Variants in UBA7 observed in about 807,000 individuals in gnomAD.
UBA7 encodes the protein ubiquitin like modifier activating enzyme 7.
UBA7 carries 88 observed loss-of-function variants against 113.0 expected under a neutral mutation model. The observed-to-expected ratio is 0.78, with a 90% CI of 0.66 to 0.93. The LOEUF is 0.93. Among genes scored for constraint, UBA7 ranks in the 40% least tolerant of loss-of-function variants. UBA7 has a pLI of 0.00. For synonymous variants in UBA7, 459 were observed against 513.0 expected (o/e 0.89, Z 1.42); for missense variants, 1,092 against 1,266.4 (o/e 0.86, Z 2.09).
Position 49,809,880 on chromosome 3 carries a change from C to A in UBA7, c.1840-1G>T. Reference sequence around the variant, plus strand: ...GTTCTTCAAACTCATGCCGGGCCCACTGTGGAGGAGGGAGGAAGAATGAGG... The same window carrying A: ...GTTCTTCAAACTCATGCCGGGCCCAATGTGGAGGAGGGAGGAAGAATGAGG... On this transcript the variant is annotated splice_acceptor_variant, in intron 14 of 23. Transcript: ENST00000333486. LOFTEE classifies it high-confidence loss of function. 1.2e-6 allele frequency: 2 copies of A among 1,614,150 alleles called. No homozygotes were observed. Among genetic ancestry groups the A allele is most frequent in the Non-Finnish European group, 8.5e-7 (1 of 1,180,024 alleles).
intron 18 of UBA7, 147 bp downstream of exon 18, chr3:49,808,829 A>G (rs909878250): frequency 3.9e-6 from 4 of 1,018,126 alleles, no homozygotes; most frequent in African/African-American, 3.3e-5. Flanking sequence ...GCCTGAAACT[A>G]TGGAGGAGTG....
At chr3:49,806,201 A>T (rs1575366665) in intron 21 of UBA7, 36 bp from the exon 22 acceptor site, 1 of 1,501,484 alleles carries the variant, frequency 6.7e-7, no homozygotes, top group Admixed American at 2.0e-5. Context: ...GAGACTTCTT[A>T]CCTCCCCCCA....
In UBA7 at chr3:49,810,957, G is replaced by A; in HGVS notation, c.1230+27C>T. On this transcript the variant is annotated intron_variant, in intron 10 of 23. Coordinates refer to ENST00000333486, the MANE Select transcript of UBA7 (RefSeq NM_003335.3). The surrounding 1 kb of genome is among the most constrained non-coding windows in gnomAD (Gnocchi z 5.6). ...TCCCCTAGTCCTGATTTTGGACAAG[G>A]CTTGCACCCCTATCCCAGGCTCTCA... 6.2e-7 allele frequency: 1 copy of A among 1,613,058 alleles called. No homozygotes were observed. The highest frequency in any genetic ancestry group is 8.5e-7 in the Non-Finnish European group (1 of 1,179,096).
intron 5 of UBA7, 45 bp downstream of exon 5, chr3:49,812,603 G>T: frequency 6.2e-7 from 1 of 1,614,178 alleles, no homozygotes; most frequent in Non-Finnish European, 8.5e-7. Context: ...GGCCCTGGCA[G>T]CCTCTCCTTG....
intron 23 of UBA7, 115 bp downstream of exon 23, chr3:49,805,782 G>T: frequency 9.5e-7 from 1 of 1,052,432 alleles, no homozygotes; most frequent in Non-Finnish European, 1.4e-6. Context: ...GGGAAAGAAT[G>T]CTTGGGAAGG....
At position 49,805,451 on chromosome 3, in the gene UBA7, G is replaced by C. The variant is rs776995972; in HGVS notation, c.2910-14C>G. The C allele has an allele frequency of 1.2e-6, 2 of 1,610,978 alleles. No homozygotes were observed. Among genetic ancestry groups the C allele is most frequent in the East Asian group, 4.5e-5 (2 of 44,820 alleles). ...AGTTCTGTCACCCTGGTAGGGGTGG[G>C]TTTAGGGGAGATTGGAGAGGTGAGC... is the stretch of plus-strand genomic sequence containing the variant. On this transcript the variant is annotated splice_polypyrimidine_tract_variant and intron_variant, in intron 23 of 23. Coordinates refer to ENST00000333486, the MANE Select transcript of UBA7 (RefSeq NM_003335.3).
chr3:49,809,266 C>T lies in UBA7; in HGVS notation c.2164-107G>A, dbSNP rs1348279132. 19 of 1,533,148 alleles carry T rather than the reference C, an allele frequency of 1.2e-5. No individual in the cohort carries two copies. The Admixed American group carries it at 1.5e-4, about 12-fold the overall frequency. 95.0% of individuals were successfully genotyped at this position (1,533,148 alleles called of 1,614,324 possible). A position where few individuals can be genotyped will look rare whatever the true frequency, so the allele number is the denominator to read the frequency against. Reference sequence around the variant, plus strand: ...CCTGCCTTTGCCTCACATGTAGACACCCATATATGCACAAGCATGGCTCTC... The same window carrying T: ...CCTGCCTTTGCCTCACATGTAGACATCCATATATGCACAAGCATGGCTCTC... On this transcript the variant is annotated intron_variant, in intron 17 of 23. Transcript: ENST00000333486.
At chr3:49,811,492 C>G (rs1182375903) in intron 8 of UBA7, 37 bp from the exon 9 acceptor site, 2 of 1,551,864 alleles carry the variant, frequency 1.3e-6, no homozygotes, top group Admixed American at 3.9e-5. Context: ...TAGCCCCAGC[C>G]TGAGCTCTAC....
rs1289584567 is a variant in UBA7, at chr3:49,810,611, G to A, written c.1373C>T (p.Ala458Val). The A allele has an allele frequency of 1.2e-6, 2 of 1,614,084 alleles. No homozygotes were observed. Among genetic ancestry groups the A allele is most frequent in the Non-Finnish European group, 1.7e-6 (2 of 1,180,010 alleles). The change falls in exon 12 of 24, where the codon GCC becomes GTC. Residue 458 changes from alanine (A) to valine (V), a missense_variant. This residue lies in a region of UBA7 where 584 missense variants were observed against 714.5 expected (regional missense o/e 0.82). Coordinates refer to ENST00000333486, the MANE Select transcript of UBA7 (RefSeq NM_003335.3). The surrounding 1 kb of genome is among the most constrained non-coding windows in gnomAD (Gnocchi z 5.6). The part of the protein sequence containing the change: ...LKVFALVGLG[A>V]GNSGGLTVVD... Reference sequence around the variant, plus strand: ...AACAGTCAAGCCCCCGCTGTTCCCGGCCCCCAGTCCCACTAGGGCAAAGAC... The same window carrying A: ...AACAGTCAAGCCCCCGCTGTTCCCGACCCCCAGTCCCACTAGGGCAAAGAC...
chr3:49,806,215 C>G, intron 21 of UBA7, 50 bp from the exon 22 acceptor site: 1 of 1,488,698 alleles, frequency 6.7e-7, no homozygotes, highest in Non-Finnish European at 9.1e-7. Flanking sequence ...CCCCCCAACC[C>G]CCATCCCAGT....
At position 49,807,835 on chromosome 3, in the gene UBA7, C is replaced by T; in HGVS notation, c.2616G>A (p.Val872=). 6.2e-7 allele frequency: 1 copy of T among 1,614,056 alleles called. No homozygotes were observed. Among genetic ancestry groups the T allele is most frequent in the Non-Finnish European group, 8.5e-7 (1 of 1,179,990 alleles). The part of the protein sequence containing the change: ...GLLGLELYKV[V]SGPRPRSAFR... ...AGGCACTACGAGGCCGTGGCCCACTCACCACCTTATACAGCTCCAGGCCCA... is the reference window on the plus strand; with the variant it reads ...AGGCACTACGAGGCCGTGGCCCACTTACCACCTTATACAGCTCCAGGCCCA... Residue 872 remains valine (V), a synonymous_variant, in exon 21 of 24, where the codon GTG becomes GTA. Transcript: ENST00000333486. This position sits in a 1 kb window ranked among gnomAD's most constrained non-coding sequence, Gnocchi z 4.0.
At chr3:49,809,916 A>T in intron 14 of UBA7, 37 bp from the exon 15 acceptor site, 1 of 1,614,154 alleles carries the variant, frequency 6.2e-7, no homozygotes, top group Non-Finnish European at 8.5e-7. Context: ...TATCAGGTGG[A>T]GAACAGGTCT....
Position 49,811,347 on chromosome 3 carries a change from C to T in UBA7, c.1048G>A (p.Ala350Thr), listed in dbSNP as rs764411377. The T allele has an allele frequency of 1.2e-5, 19 of 1,614,080 alleles. No individual in the cohort carries two copies. The highest frequency in any genetic ancestry group is 2.2e-5 in the South Asian group (2 of 91,082). ...CTCAAGACACCTGCACTGCTTAGGG[C>T]GACTGTCCGCACTAGGGCCTCATCC... ...PLDEALVRTV[A>T]LSSAGVLSPM... Residue 350 changes from alanine (A) to threonine (T), a missense_variant, in exon 9 of 24, where the codon GCC (alanine) becomes ACC (threonine). Physicochemically the swap from Ala to Thr is moderately conservative, Grantham distance 58. Around this residue, in one of 3 missense-constraint regions of UBA7, gnomAD observed 584 missense variants for 714.5 expected, o/e 0.82. Transcript: ENST00000333486.
rs561880823 is a variant in UBA7 at position 49,811,612 on chromosome 3, C to T, written c.940-157G>A. 4 of 1,185,388 alleles carry T rather than the reference C, an allele frequency of 3.4e-6. No homozygotes were observed. The South Asian group carries it at 6.1e-5, about 18-fold the overall frequency. The allele number at this position is 1,185,388 out of a possible 1,614,324, so 73.4% of individuals were successfully genotyped here. A position where few individuals can be genotyped will look rare whatever the true frequency, so the allele number is the denominator to read the frequency against. On this transcript the variant is annotated intron_variant, in intron 8 of 23. Transcript: ENST00000333486. The stretch of plus-strand genomic sequence containing the variant: ...CTGCTGCCAGCCTGCACAGCACCAC[C>T]AGAGGATGCCCAGTACCAGACAGCA...
intron 8 of UBA7, chr3:49,811,662 G>A (rs2081549861): frequency 9.0e-7 from 1 of 1,111,830 alleles, no homozygotes. Flanking sequence ...ACTAATCTGA[G>A]TGCAGCTTCC....
chr3:49,809,556 A>G lies in UBA7; in HGVS notation c.2074T>C (p.Phe692Leu). ...TAGCCACACACTTTATTAGGTGGGA[A>G]GTGCCTCAGCAGCTGTTTGATGCCA... Reference protein sequence around the residue: ...HYGIKQLLRHFPPNKVLEDGT... With the variant: ...HYGIKQLLRHLPPNKVLEDGT... Residue 692 changes from phenylalanine (F) to leucine (L), a missense_variant, in exon 16 of 24, where the codon TTC becomes CTC. Around this residue, in one of 3 missense-constraint regions of UBA7, gnomAD observed 500 missense variants for 529.3 expected, o/e 0.94. Coordinates refer to ENST00000333486, the MANE Select transcript of UBA7 (RefSeq NM_003335.3). 1 of 1,614,136 alleles carries G rather than the reference A, an allele frequency of 6.2e-7. No individual in the cohort carries two copies. The highest frequency in any genetic ancestry group is 8.5e-7 in the Non-Finnish European group (1 of 1,180,030).
At chr3:49,811,574 G>A in intron 8 of UBA7, 119 bp from the exon 9 acceptor site, 1 of 1,421,292 alleles carries the variant, frequency 7.0e-7, no homozygotes, top group African/African-American at 1.4e-5. Flanking sequence ...AGCCTGGGTG[G>A]GAAGGCCTGG....
In UBA7 at chr3:49,805,939, G is replaced by A; in HGVS notation, c.2867C>T (p.Ala956Val). 1 of 1,562,466 alleles carries A rather than the reference G, an allele frequency of 6.4e-7. No individual in the cohort carries two copies. ...GGCCTGCTTTTCAGGTGACCATCCG[G>A]CCGCATAGAGCAGGGCTGAGCCGTG... ...LLHGSALLYA[A>V]GWSPEKQAQH... Residue 956 changes from alanine (A) to valine (V), a missense_variant, in exon 23 of 24, where the codon GCC becomes GTC. By Grantham distance (64) the Ala-to-Val change is moderately conservative. This residue lies in a region of UBA7 where 500 missense variants were observed against 529.3 expected (regional missense o/e 0.94). Coordinates refer to ENST00000333486, the MANE Select transcript of UBA7 (RefSeq NM_003335.3).
Position 49,806,090 on chromosome 3 carries a change from G to T in UBA7, c.2791C>A (p.Leu931Met). The change falls in exon 22 of 24, where the codon CTG (leucine) becomes ATG (methionine). Residue 931 changes from leucine (L) to methionine (M), a missense_variant. Transcript: ENST00000333486. Reference sequence around the variant, plus strand: ...GGGCACACCTGAAGATGAGCCAGCAGCGACTCCAGGGTCCTCTCAGGCTGC... The same window carrying T: ...GGGCACACCTGAAGATGAGCCAGCATCGACTCCAGGGTCCTCTCAGGCTGC... ...AGQPERTLES[L>M]LAHLQEQHGL... 6.3e-7 allele frequency: 1 copy of T among 1,595,008 alleles called. No homozygotes were observed. The highest frequency in any genetic ancestry group is 1.1e-5 in the South Asian group (1 of 87,672).
Sources: allele counts gnomAD v4.1 joint callset, GRCh38; gene constraint gnomAD v4.1.1; regional missense constraint gnomAD v4.1.1; non-coding constraint Gnocchi (gnomAD v3.1); transcripts MANE v1.5; gene names NCBI Gene and HGNC (gene_info 2026-07-23, HGNC 2026-07-21).